ANXA10: variants seen among roughly 807,000 people sequenced by gnomAD.
The protein encoded by ANXA10 is annexin A10.
In ANXA10, 49 loss-of-function variants were observed where a neutral mutation model predicts 53.5. The observed-to-expected ratio is 0.92, with a 90% CI of 0.73 to 1.16. The LOEUF is 1.16. ANXA10 is among the 50% of genes most tolerant of loss of function. The pLI, the probability that ANXA10 is intolerant of heterozygous loss-of-function variation, is 0.00. For missense variants in ANXA10, 393 were observed against 394.4 expected, an observed-to-expected ratio of 1.00 and a Z score of 0.03; for synonymous variants, 131 against 128.9, an observed-to-expected ratio of 1.02 and a Z score of -0.11.
intron 1 of ANXA10, among the ~76,000 whole-genome samples, chr4:168,114,675 T>C (rs1730863733): frequency 6.6e-6 from 1 of 152,170 alleles, no homozygotes; most frequent in Non-Finnish European, 1.5e-5. Flanking sequence ...CAATGTGTGC[T>C]GTTCTCCCTC....
At chr4:168,154,739 T>G (rs1352420622) in intron 3 of ANXA10, among the ~76,000 whole-genome samples, 1 of 152,166 alleles carries the variant, frequency 6.6e-6, no homozygotes, top group Non-Finnish European at 1.5e-5. Context: ...CGCATATAAT[T>G]AGTGGCTTCC....
chr4:168,118,215 A>G (rs919765162), intron 1 of ANXA10, among the ~76,000 whole-genome samples: 1 of 152,166 alleles, frequency 6.6e-6, no homozygotes, highest in East Asian at 1.9e-4. Context: ...AGGGGGAAAA[A>G]AATGGGCCCT....
chr4:168,134,223 A>G (rs1394532383), intron 2 of ANXA10, among the ~76,000 whole-genome samples: 1 of 152,168 alleles, frequency 6.6e-6, no homozygotes, highest in Non-Finnish European at 1.5e-5. Flanking sequence ...AAAAAGCTCC[A>G]CAAATCTTTA....
intron 1 of ANXA10, among the ~76,000 whole-genome samples, chr4:168,121,951 C>T (rs950131014): frequency 6.6e-6 from 1 of 152,158 alleles, no homozygotes; most frequent in African/African-American, 2.4e-5. Context: ...TCAAGCAATT[C>T]TCTGTCTCAG....
intron 5 of ANXA10, 22 bp from the exon 6 acceptor site, chr4:168,165,225 T>C (rs1377066530): frequency 6.9e-7 from 1 of 1,453,340 alleles, no homozygotes; most frequent in Non-Finnish European, 9.5e-7. Context: ...AAATCATACC[T>C]TTAACATGTT....
At chr4:168,137,828 A>G (rs6552497) in intron 2 of ANXA10, among the ~76,000 whole-genome samples, 93,606 of 152,024 alleles carry the variant, frequency 0.62, 29,971 homozygotes, top group African/African-American at 0.78. Flanking sequence ...GAGTCAAATG[A>G]TAGTTCTATT....
At chr4:168,098,120 TA>T (rs397793907) in intron 1 of ANXA10, among the ~76,000 whole-genome samples, 2,234 of 144,424 alleles carry the variant, frequency 0.015, 29 homozygotes, top group African/African-American at 0.04. Context: ...TCTTGAAATT[TA>T]AAAAAAAAAA....
intron 3 of ANXA10, among the ~76,000 whole-genome samples, chr4:168,143,434 G>A (rs1458234272): frequency 1.2e-4 from 18 of 152,160 alleles, no homozygotes; most frequent in Non-Finnish European, 1.2e-4. Context: ...CGTGCAGAGT[G>A]GCTGAATTTC....
chr4:168,141,293 A>G (rs370004981), intron 3 of ANXA10, among the ~76,000 whole-genome samples: 2 of 152,172 alleles, frequency 1.3e-5, no homozygotes, highest in Non-Finnish European at 2.9e-5. Context: ...TTTATAATCA[A>G]TTAGCAAGTT....
chr4:168,167,891 T>C (rs2149478242), intron 6 of ANXA10, among the ~76,000 whole-genome samples: 1 of 152,288 alleles, frequency 6.6e-6, no homozygotes, highest in Non-Finnish European at 1.5e-5. Flanking sequence ...TAACAAACCC[T>C]TACTTTTCAA....
intron 2 of ANXA10, among the ~76,000 whole-genome samples, chr4:168,128,629 T>C (rs1731110621): frequency 6.6e-6 from 1 of 152,182 alleles, no homozygotes; most frequent in Non-Finnish European, 1.5e-5. Flanking sequence ...TGGAATGTTA[T>C]TTTCTTCTCT....
chr4:168,185,288 T>A lies in ANXA10; in HGVS notation c.906+607T>A, dbSNP rs1732347237. ...TTCTCTATAATTGTGCTTAAAGAGC[T>A]AAATTCTGAAGTATGATCAGGCTCA... On this transcript the variant is annotated intron_variant, in intron 11 of 11. Coordinates refer to ENST00000359299, the MANE Select transcript of ANXA10 (RefSeq NM_007193.5). Among the ~76,000 whole-genome samples the A allele has an allele frequency of 4.6e-5, 7 of 152,236 alleles. 1 individual carries two copies. Among genetic ancestry groups the A allele is most frequent in the Admixed American group, 3.9e-4 (6 of 15,272 alleles).
At chr4:168,185,314 G>A (rs1359365368) in intron 11 of ANXA10, among the ~76,000 whole-genome samples, 1 of 152,160 alleles carries the variant, frequency 6.6e-6, no homozygotes, top group Non-Finnish European at 1.5e-5. Context: ...ATCAGGCTCA[G>A]GAAAAATATA....
At chr4:168,184,850 T>C (rs1485300761) in intron 11 of ANXA10, among the ~76,000 whole-genome samples, 169 bp downstream of exon 11, 3 of 152,166 alleles carry the variant, frequency 2.0e-5, no homozygotes, top group Non-Finnish European at 4.4e-5. Context: ...CGGCAGGTGC[T>C]AACTTAGAAA....
chr4:168,129,842 A>G (rs1199457079), intron 2 of ANXA10, among the ~76,000 whole-genome samples: 1 of 152,154 alleles, frequency 6.6e-6, no homozygotes, highest in Non-Finnish European at 1.5e-5. Flanking sequence ...CTACTTTCCA[A>G]TTTATCACCA....
At chr4:168,156,616 G>A (rs188710251) in intron 3 of ANXA10, among the ~76,000 whole-genome samples, 1 of 150,490 alleles carries the variant, frequency 6.6e-6, no homozygotes, top group African/African-American at 2.4e-5. Flanking sequence ...CCATTCTCCT[G>A]CCTCAGCCTC....
chr4:168,144,148 G>C (rs1731370173), intron 3 of ANXA10, among the ~76,000 whole-genome samples: 1 of 151,960 alleles, frequency 6.6e-6, no homozygotes, highest in Non-Finnish European at 1.5e-5. Context: ...GTGTAATTAA[G>C]TGTCCTCTCT....
intron 2 of ANXA10, among the ~76,000 whole-genome samples, chr4:168,137,320 T>G (rs993925139): frequency 3.9e-5 from 6 of 152,194 alleles, no homozygotes; most frequent in African/African-American, 1.4e-4. Context: ...GAGTGCAGAT[T>G]TGTTGCATGC....
intron 2 of ANXA10, among the ~76,000 whole-genome samples, chr4:168,132,343 A>T (rs1317480658): frequency 6.6e-6 from 1 of 152,064 alleles, no homozygotes; most frequent in Admixed American, 6.6e-5. Context: ...GAAAGTGGAG[A>T]TCATATGTTA....
Sources: allele counts gnomAD v4.1 joint callset (sites outside exome capture counted in the v4.1 genomes callset), GRCh38; gene constraint gnomAD v4.1.1; transcripts MANE v1.5; gene names NCBI Gene and HGNC (gene_info 2026-07-23, HGNC 2026-07-21).